NCS1: variants seen among roughly 807,000 people sequenced by gnomAD.
NCS1 encodes neuronal calcium sensor 1, also known as frequenin homolog.
In NCS1, 6 loss-of-function variants were observed where a neutral mutation model predicts 28.4. The observed-to-expected ratio is 0.21, with a 90% CI of 0.12 to 0.42. The LOEUF (loss-of-function observed/expected upper bound fraction) is 0.42, where lower values mean the gene tolerates loss of function less well. Ranked by LOEUF, NCS1 falls within the 10% of genes least tolerant of loss-of-function variation. The pLI, the probability that NCS1 is intolerant of heterozygous loss-of-function variation, is 1.00. For missense variants in NCS1, 131 were observed against 241.4 expected (o/e 0.54, Z 3.03); for synonymous variants, 86 against 99.3 (o/e 0.87, Z 0.79).
At chr9:130,221,104 ATC>A (rs1833279007) in intron 4 of NCS1, among the ~76,000 whole-genome samples, 1 of 151,758 alleles carries the variant, frequency 6.6e-6, no homozygotes, top group Non-Finnish European at 1.5e-5. Flanking sequence ...GCCCACTACA[ATC>A]TCTGCCTCCT....
At chr9:130,210,131 T>C (rs1218654047) in intron 2 of NCS1, among the ~76,000 whole-genome samples, 2 of 152,140 alleles carry the variant, frequency 1.3e-5, no homozygotes, top group Non-Finnish European at 2.9e-5. Context: ...CCAGGCGCGA[T>C]GGCTCACACC....
intron 1 of NCS1, among the ~76,000 whole-genome samples, chr9:130,195,791 G>A (rs1000352424): frequency 1.3e-5 from 2 of 152,244 alleles, no homozygotes; most frequent in Non-Finnish European, 2.9e-5. Flanking sequence ...AAGTGTTCCT[G>A]GCAGAGCACA....
chr9:130,213,338 C>T (rs546998553), intron 2 of NCS1, among the ~76,000 whole-genome samples: 7 of 152,226 alleles, frequency 4.6e-5, no homozygotes, highest in Admixed American at 2.0e-4. Context: ...AGTGCAGTGG[C>T]GTGATCTCGG....
chr9:130,189,904 A>ATATATATATATATATATATG (rs1324463526), intron 1 of NCS1, among the ~76,000 whole-genome samples: 3 of 131,494 alleles, frequency 2.3e-5, no homozygotes, highest in African/African-American at 9.2e-5. Flanking sequence ...ATATATATAT[A>ATATATATATATATATATATG]TATATTCCCA....
Position 130,208,666 on chromosome 9 carries a change from C to G in NCS1, c.89+7684C>G, listed in dbSNP as rs139301123. On this transcript the variant is annotated intron_variant, in intron 2 of 7. Coordinates refer to ENST00000372398, the MANE Select transcript of NCS1 (RefSeq NM_014286.4). The stretch of plus-strand genomic sequence containing the variant: ...GTGGAAGCCGGAGGAATTCTGTCCT[C>G]GCATCAACACGGCCAGCTGTTGATT... Among the ~76,000 whole-genome samples the G allele has an allele frequency of 6.1e-3, 931 of 152,304 alleles. 5 individuals carry two copies. Among genetic ancestry groups the G allele is most frequent in the Non-Finnish European group, 0.01 (685 of 68,022 alleles).
rs782083810 is a variant in NCS1, at chr9:130,226,264, T to A, written c.475-125T>A. ...TCTGGTGCTGGCTGCTTGTAGGCCC[T>A]GAGCCACGTTGCCTCCCTCCTGATC... On this transcript the variant is annotated intron_variant, in intron 6 of 7. Coordinates refer to ENST00000372398, the MANE Select transcript of NCS1 (RefSeq NM_014286.4). The surrounding 1 kb of genome is among the most constrained non-coding windows in gnomAD (Gnocchi z 4.8). 1 of 783,530 alleles carries A rather than the reference T, an allele frequency of 1.3e-6. No homozygotes were observed. Among genetic ancestry groups the A allele is most frequent in the East Asian group, 2.7e-5 (1 of 37,036 alleles). 48.5% of individuals were successfully genotyped at this position (783,530 alleles called of 1,614,324 possible). A position where few individuals can be genotyped will look rare whatever the true frequency, so the allele number is the denominator to read the frequency against.
intron 1 of NCS1, among the ~76,000 whole-genome samples, chr9:130,189,640 G>A (rs913365651): frequency 4.6e-5 from 7 of 151,914 alleles, no homozygotes; most frequent in African/African-American, 1.7e-4. Flanking sequence ...TCAGTAGTTC[G>A]AGACCAGTCT....
At chr9:130,227,032 A>G (rs1311986684) in intron 7 of NCS1, among the ~76,000 whole-genome samples, 1 of 151,036 alleles carries the variant, frequency 6.6e-6, no homozygotes, top group Non-Finnish European at 1.5e-5. Context: ...CAAAAAAAAA[A>G]AAAAAAAGAA....
At chr9:130,218,790 C>T (rs948910843) in intron 3 of NCS1, among the ~76,000 whole-genome samples, 5 of 152,066 alleles carry the variant, frequency 3.3e-5, no homozygotes, top group Non-Finnish European at 4.4e-5. Flanking sequence ...GGGGTTTCAC[C>T]GTATTGCCCA....
chr9:130,182,848 C>T (rs1554905259), intron 1 of NCS1, among the ~76,000 whole-genome samples: 7 of 152,236 alleles, frequency 4.6e-5, no homozygotes, highest in Non-Finnish European at 1.0e-4. Flanking sequence ...CTGTGCCTGG[C>T]TCAGCCCAGG....
chr9:130,226,560 C>G lies in NCS1; in HGVS notation c.*17+56C>G. 7.6e-7 allele frequency: 1 copy of G among 1,320,748 alleles called. No individual in the cohort carries two copies. 81.8% of individuals were successfully genotyped at this position (1,320,748 alleles called of 1,614,324 possible). On this transcript the variant is annotated intron_variant, in intron 7 of 7. Coordinates refer to ENST00000372398, the MANE Select transcript of NCS1 (RefSeq NM_014286.4). The surrounding 1 kb of genome is among the most constrained non-coding windows in gnomAD (Gnocchi z 4.8). Reference sequence around the variant, plus strand: ...CTGGGATGGGTCAGGGGTGAAAACCCAGCAGCAGGACACCTACGGTTGGCA... The same window carrying G: ...CTGGGATGGGTCAGGGGTGAAAACCGAGCAGCAGGACACCTACGGTTGGCA...
intron 2 of NCS1, among the ~76,000 whole-genome samples, chr9:130,203,989 A>T (rs77906644): frequency 5.3e-5 from 8 of 152,046 alleles, no homozygotes; most frequent in South Asian, 4.1e-4. Context: ...TATTTAAAAA[A>T]TTTTTTTTCT....
intron 1 of NCS1, among the ~76,000 whole-genome samples, chr9:130,196,511 GATGGA>G (rs1832880196): frequency 6.6e-6 from 1 of 152,252 alleles, no homozygotes; most frequent in Non-Finnish European, 1.5e-5. Flanking sequence ...GGCCGAGGCG[GATGGA>G]ACACTTGAGG....
At chr9:130,222,807 G>C in intron 5 of NCS1, 69 bp downstream of exon 5, 1 of 1,495,728 alleles carries the variant, frequency 6.7e-7, no homozygotes, top group Admixed American at 1.7e-5. Flanking sequence ...GAGACAGAGA[G>C]AGAGCACTTG....
At position 130,181,971 on chromosome 9, in the gene NCS1, G is replaced by A. The variant is rs543458073; in HGVS notation, c.64+9244G>A. On this transcript the variant is annotated intron_variant, in intron 1 of 7. Transcript: ENST00000372398. This position sits in a 1 kb window ranked among gnomAD's most constrained non-coding sequence, Gnocchi z 5.0. ...GGGAGGCACAGACAGGCCGGGAGCCGCGCCAAAGGCTGGGAGCTCAGCTGC... is the reference window on the plus strand; with the variant it reads ...GGGAGGCACAGACAGGCCGGGAGCCACGCCAAAGGCTGGGAGCTCAGCTGC... 2.4e-4 allele frequency among the ~76,000 whole-genome samples: 36 copies of A among 152,130 alleles called. No homozygotes were observed. In the East Asian group the frequency reaches 4.1e-3, roughly 17 times the overall value.
At position 130,211,989 on chromosome 9, in the gene NCS1, G is replaced by A. The variant is rs545910963; in HGVS notation, c.90-5843G>A. On this transcript the variant is annotated intron_variant, in intron 2 of 7. Transcript: ENST00000372398. ...GATGCTCTGGTGCCGAGAAGGAAGC[G>A]GTGAGTGGAGTCAGGCAGGTGGGGA... Among the ~76,000 whole-genome samples, 114 of 152,018 alleles carry A rather than the reference G, an allele frequency of 7.5e-4. 1 individual carries two copies. The highest frequency in any genetic ancestry group is 2.6e-3 in the African/African-American group (109 of 41,322).
At chr9:130,182,520 C>T (rs570384876) in intron 1 of NCS1, among the ~76,000 whole-genome samples, 71 of 152,348 alleles carry the variant, frequency 4.7e-4, no homozygotes, top group Non-Finnish European at 7.1e-4. Flanking sequence ...GGGCAGCCTC[C>T]GCCTTGCCTT....
intron 2 of NCS1, among the ~76,000 whole-genome samples, chr9:130,206,733 C>T (rs1365864464): frequency 6.6e-6 from 1 of 152,114 alleles, no homozygotes; most frequent in Non-Finnish European, 1.5e-5. Flanking sequence ...GAACAACTCT[C>T]AGGACACCCG....
At chr9:130,195,435 G>GT (rs782788352) in intron 1 of NCS1, among the ~76,000 whole-genome samples, 7,217 of 142,754 alleles carry the variant, frequency 0.051, 533 homozygotes, top group African/African-American at 0.17. Context: ...GCTGGGCTTT[G>GT]TTTTTTTTTT....
Sources: allele counts gnomAD v4.1 joint callset (sites outside exome capture counted in the v4.1 genomes callset), GRCh38; gene constraint gnomAD v4.1.1; non-coding constraint Gnocchi (gnomAD v3.1); transcripts MANE v1.5; gene names NCBI Gene and HGNC (gene_info 2026-07-23, HGNC 2026-07-21).